Variants in MYL10 observed in about 807,000 individuals in gnomAD.
MYL10 encodes the protein myosin light chain 10.
A neutral mutation model predicts 21.9 loss-of-function variants in MYL10; 18 were observed. The ratio of observed to expected loss-of-function variants is 0.82; its 90% confidence interval spans 0.57 to 1.22. MYL10 has a LOEUF of 1.22. Ranked by LOEUF, MYL10 falls within the 50% of genes most tolerant of loss-of-function variation. MYL10 has a pLI of 0.00. For missense variants in MYL10, 225 were observed against 230.4 expected (o/e 0.98, Z 0.15); for synonymous variants, 88 against 82.8 (o/e 1.06, Z -0.34).
intron 5 of MYL10, among the ~76,000 whole-genome samples, chr7:101,621,079 G>A (rs1413967022): frequency 1.3e-5 from 2 of 151,902 alleles, no homozygotes; most frequent in Admixed American, 6.5e-5. Context: ...ATGAGCCACC[G>A]TGCCCGGCCT....
At position 101,616,269 on chromosome 7, in the gene MYL10, C is replaced by T. The variant is rs756582817; in HGVS notation, c.484G>A (p.Ala162Thr). Residue 162 changes from alanine to threonine, a missense_variant, in exon 6 of 8, where the codon GCC becomes ACC. Ala to Thr is a moderately conservative substitution (Grantham distance 58, BLOSUM62 0). Coordinates refer to ENST00000223167, the MANE Select transcript of MYL10 (RefSeq NM_138403.5). ...CCTTCAGTGTCGAACACTTTGAAGG[C>T]GTGGAGAATGGTCTCCTCTGGGTCC... The part of the protein sequence containing the change: ...GTDPEETILH[A>T]FKVFDTEGKG... 118 of 1,614,026 alleles carry T rather than the reference C, an allele frequency of 7.3e-5. No individual in the cohort carries two copies. In the East Asian group the frequency reaches 2.3e-3, roughly 32 times the overall value.
intron 5 of MYL10, among the ~76,000 whole-genome samples, chr7:101,618,115 G>A (rs926287383): frequency 6.6e-6 from 1 of 152,250 alleles, no homozygotes; most frequent in African/African-American, 2.4e-5. Flanking sequence ...AACTGGCACA[G>A]AGTGAAAAAA....
intron 1 of MYL10, among the ~76,000 whole-genome samples, chr7:101,625,443 G>A (rs1385949912): frequency 4.6e-5 from 7 of 152,074 alleles, no homozygotes; most frequent in South Asian, 2.1e-4. Context: ...TCCTGTCTCC[G>A]TCACAACTTG....
At chr7:101,622,447 A>G (rs932130013) in intron 4 of MYL10, among the ~76,000 whole-genome samples, 1 of 152,290 alleles carries the variant, frequency 6.6e-6, no homozygotes, top group Admixed American at 6.5e-5. Flanking sequence ...ACTGAGGCCC[A>G]AGAAGCTGCA....
chr7:101,619,762 C>T (rs949352041), intron 5 of MYL10, among the ~76,000 whole-genome samples: 1 of 151,870 alleles, frequency 6.6e-6, no homozygotes, highest in African/African-American at 2.4e-5. Context: ...TGGTGGCAGG[C>T]ACCTGTAGCC....
chr7:101,615,683 A>G (rs1273091416), intron 6 of MYL10, among the ~76,000 whole-genome samples: 2 of 131,182 alleles, frequency 1.5e-5, no homozygotes, highest in Admixed American at 8.0e-5. Context: ...TCCTGGAGTG[A>G]CCCACCACTT....
chr7:101,616,157 C>T (rs1796606835), intron 6 of MYL10, 63 bp downstream of exon 6: 1 of 1,466,438 alleles, frequency 6.8e-7, no homozygotes, highest in African/African-American at 1.4e-5. Context: ...ACCATCCACC[C>T]TGACCCCAGC....
At chr7:101,626,287 C>T (rs540461515) in intron 1 of MYL10, among the ~76,000 whole-genome samples, 2 of 152,320 alleles carry the variant, frequency 1.3e-5, no homozygotes, top group African/African-American at 4.8e-5. Flanking sequence ...CCAGGCAGGT[C>T]CGTCCTGGGG....
At position 101,629,077 on chromosome 7, in the gene MYL10, G is replaced by T; in HGVS notation, c.42C>A (p.Ile14=). Residue 14 remains isoleucine (I), a synonymous_variant, in exon 1 of 8, where the codon ATC becomes ATA. Coordinates refer to ENST00000223167, the MANE Select transcript of MYL10 (RefSeq NM_138403.5). ...RLVSNSWPQV[I]LPPRPPKVLG... ...GCACTTTGGGAGGCCGAGGAGGGAG[G>T]ATCACTTGAGGCCAGGAGTTTGAGA... The T allele has an allele frequency of 2.4e-6, 1 of 424,614 alleles. No individual in the cohort carries two copies. Among genetic ancestry groups the T allele is most frequent in the Non-Finnish European group, 4.6e-6 (1 of 216,144 alleles). The allele number at this position is 424,614 out of a possible 1,614,324, so 26.3% of individuals were successfully genotyped here.
intron 6 of MYL10, among the ~76,000 whole-genome samples, chr7:101,614,557 G>A (rs1366261079): frequency 2.0e-5 from 3 of 152,188 alleles, no homozygotes; most frequent in Non-Finnish European, 4.4e-5. Flanking sequence ...TTGCACTGGT[G>A]AGAGAGAAAG....
At chr7:101,627,253 C>T (rs988940683) in intron 1 of MYL10, among the ~76,000 whole-genome samples, 4 of 151,356 alleles carry the variant, frequency 2.6e-5, no homozygotes, top group Non-Finnish European at 5.9e-5. Context: ...GAGCCGAGAT[C>T]GAGCCACCGC....
At chr7:101,627,137 C>CAAAAA (rs757508495) in intron 1 of MYL10, among the ~76,000 whole-genome samples, 5,871 of 133,790 alleles carry the variant, frequency 0.044, 434 homozygotes, top group African/African-American at 0.15. Flanking sequence ...ACCAAAAATA[C>CAAAAA]AAAAAAAAAA....
At chr7:101,628,919 G>T (rs1279667997) in intron 1 of MYL10, 122 bp downstream of exon 1, 1 of 385,518 alleles carries the variant, frequency 2.6e-6, no homozygotes, top group African/African-American at 2.2e-5. Context: ...CTTAAAACAC[G>T]TGTCCTCACA....
chr7:101,624,998 CTG>C (rs1426611387), intron 1 of MYL10, among the ~76,000 whole-genome samples: 1 of 152,078 alleles, frequency 6.6e-6, no homozygotes, highest in Non-Finnish European at 1.5e-5. Flanking sequence ...CCTGACATAT[CTG>C]TGCGTCTGTG....
rs1796572182 is a variant in MYL10, at chr7:101,613,458, G to C, written c.*17C>G. On this transcript the variant is annotated 3_prime_UTR_variant, in exon 8 of 8. Coordinates refer to ENST00000223167, the MANE Select transcript of MYL10 (RefSeq NM_138403.5). ...CAGTGTTTGCTGCCCCTGAATGTCG[G>C]GGAGACTTGTGATCCCCTAATCCTT... The C allele has an allele frequency of 1.2e-6, 2 of 1,607,014 alleles. No individual in the cohort carries two copies. Among genetic ancestry groups the C allele is most frequent in the African/African-American group, 1.3e-5 (1 of 74,772 alleles).
At position 101,622,235 on chromosome 7, in the gene MYL10, A is replaced by G. The variant is rs1354239320; in HGVS notation, c.350-35T>C. 15 of 1,518,838 alleles carry G rather than the reference A, an allele frequency of 9.9e-6. No individual in the cohort carries two copies. In the Middle Eastern group the frequency reaches 5.2e-4, roughly 52 times the overall value. 94.1% of individuals were successfully genotyped at this position (1,518,838 alleles called of 1,614,324 possible). On this transcript the variant is annotated intron_variant, in intron 4 of 7. Coordinates refer to ENST00000223167, the MANE Select transcript of MYL10 (RefSeq NM_138403.5). ...GTGAGAGGTGGGGGCAGGGAGGATAAGAGAGATCAGAGCTTGGGCCTCGGA... is the reference window on the plus strand; with the variant it reads ...GTGAGAGGTGGGGGCAGGGAGGATAGGAGAGATCAGAGCTTGGGCCTCGGA...
chr7:101,618,315 G>A (rs1217601294), intron 5 of MYL10, among the ~76,000 whole-genome samples: 1 of 152,206 alleles, frequency 6.6e-6, no homozygotes, highest in South Asian at 2.1e-4. Context: ...CTAGGCGGGT[G>A]AGGGTTGAGT....
At chr7:101,619,134 G>T (rs368202467) in intron 5 of MYL10, among the ~76,000 whole-genome samples, 3 of 152,284 alleles carry the variant, frequency 2.0e-5, no homozygotes, top group African/African-American at 4.8e-5. Context: ...CCTTTAACAC[G>T]CCTCCTTCAG....
chr7:101,626,667 AC>A (rs2130745365), intron 1 of MYL10, among the ~76,000 whole-genome samples: 1 of 151,620 alleles, frequency 6.6e-6, no homozygotes, highest in African/African-American at 2.4e-5. Flanking sequence ...CCAAATACTG[AC>A]CCCCGGCCCT....
Sources: allele counts gnomAD v4.1 joint callset (sites outside exome capture counted in the v4.1 genomes callset), GRCh38; gene constraint gnomAD v4.1.1; transcripts MANE v1.5; gene names NCBI Gene and HGNC (gene_info 2026-07-23, HGNC 2026-07-21).